Variants in CDKAL1 observed in about 807,000 individuals in gnomAD.
CDKAL1 encodes the protein CDKAL1 threonylcarbamoyladenosine tRNA methylthiotransferase.
In CDKAL1, 32 loss-of-function variants were observed where a neutral mutation model predicts 68.2. The ratio of observed to expected loss-of-function variants is 0.47; its 90% confidence interval spans 0.35 to 0.63. The LOEUF (loss-of-function observed/expected upper bound fraction) is 0.63, where lower values mean the gene tolerates loss of function less well. CDKAL1 is among the 30% of genes least tolerant of loss of function. The probability of loss-of-function intolerance (pLI) is 0.00; values close to 1 mark genes in which losing one functional copy is unlikely to be tolerated. For synonymous variants in CDKAL1, 234 were observed against 244.3 expected (o/e 0.96, Z 0.39); for missense variants, 606 against 696.7 (o/e 0.87, Z 1.47).
intron 12 of CDKAL1, among the ~76,000 whole-genome samples, chr6:21,106,093 C>T (rs747327249): frequency 3.2e-4 from 48 of 152,184 alleles, no homozygotes; most frequent in Non-Finnish European, 5.7e-4. Flanking sequence ...AATGTGTGTA[C>T]TGTCTGATCC....
chr6:20,854,634 T>G (rs1759222049), intron 9 of CDKAL1, among the ~76,000 whole-genome samples: 1 of 152,216 alleles, frequency 6.6e-6, no homozygotes, highest in African/African-American at 2.4e-5. Flanking sequence ...TTTGTTACAT[T>G]TGTTCATAAT....
chr6:20,977,892 A>G (rs1157992526), intron 10 of CDKAL1, among the ~76,000 whole-genome samples: 1 of 151,492 alleles, frequency 6.6e-6, no homozygotes, highest in Non-Finnish European at 1.5e-5. Context: ...TATTAATGAT[A>G]ATAATAATAA....
At chr6:21,070,976 G>A (rs570263591) in intron 12 of CDKAL1, among the ~76,000 whole-genome samples, 1 of 152,202 alleles carries the variant, frequency 6.6e-6, no homozygotes, top group African/African-American at 2.4e-5. Context: ...AATTTGTGAA[G>A]CACTGATCTT....
chr6:21,096,341 C>G (rs971408664), intron 12 of CDKAL1, among the ~76,000 whole-genome samples: 9 of 152,144 alleles, frequency 5.9e-5, no homozygotes, highest in African/African-American at 2.2e-4. Context: ...GGATTAGCGT[C>G]TGGAAGCTGG....
At chr6:21,177,004 G>A (rs528667160) in intron 13 of CDKAL1, among the ~76,000 whole-genome samples, 3 of 151,942 alleles carry the variant, frequency 2.0e-5, no homozygotes, top group Non-Finnish European at 4.4e-5. Flanking sequence ...GCCAGATGTT[G>A]GTTTTTAAAA....
At chr6:20,913,461 C>A (rs13197106) in intron 9 of CDKAL1, among the ~76,000 whole-genome samples, 1 of 152,072 alleles carries the variant, frequency 6.6e-6, no homozygotes, top group Non-Finnish European at 1.5e-5. Flanking sequence ...AATTTAACTT[C>A]ATCAAAGCCA....
intron 4 of CDKAL1, among the ~76,000 whole-genome samples, chr6:20,562,741 T>TA (rs79790891): frequency 0.017 from 2,491 of 142,434 alleles, 68 homozygotes; most frequent in African/African-American, 0.056. Flanking sequence ...GACTCCATCT[T>TA]AAAAAAAAAA....
chr6:20,553,968 C>T (rs762655725), intron 4 of CDKAL1, among the ~76,000 whole-genome samples: 32 of 150,086 alleles, frequency 2.1e-4, no homozygotes, highest in Non-Finnish European at 3.7e-4. Flanking sequence ...TACAGGTGTG[C>T]GGTACCATGC....
chr6:20,639,896 C>A (rs1768088495), intron 4 of CDKAL1, among the ~76,000 whole-genome samples: 2 of 152,236 alleles, frequency 1.3e-5, no homozygotes, highest in East Asian at 3.8e-4. Flanking sequence ...GTCTTGAACT[C>A]CTGACCTCGT....
At chr6:21,167,838 A>T (rs962110735) in intron 13 of CDKAL1, among the ~76,000 whole-genome samples, 1 of 152,268 alleles carries the variant, frequency 6.6e-6, no homozygotes, top group African/African-American at 2.4e-5. Flanking sequence ...AGGCACTGCC[A>T]GCTGATGTTA....
At chr6:20,553,551 A>C (rs1280577999) in intron 4 of CDKAL1, among the ~76,000 whole-genome samples, 1 of 152,232 alleles carries the variant, frequency 6.6e-6, no homozygotes, top group Non-Finnish European at 1.5e-5. Flanking sequence ...GCGAACTGTC[A>C]GAGCAGTTTG....
intron 9 of CDKAL1, among the ~76,000 whole-genome samples, chr6:20,848,505 T>G (rs1015366344): frequency 1.3e-5 from 2 of 152,328 alleles, no homozygotes; most frequent in South Asian, 2.1e-4. Context: ...GTTAACATTG[T>G]CATATCCAGG....
Position 20,781,899 on chromosome 6 carries a change from G to A in CDKAL1, c.638+634G>A, listed in dbSNP as rs1775448040. On this transcript the variant is annotated intron_variant, in intron 8 of 15. Transcript: ENST00000274695. The stretch of plus-strand genomic sequence containing the variant: ...TTTTCTGAAAATTTGATGAGATGAA[G>A]GGCTTCTGTTTCTTAAATCACAGGG... 2.6e-5 allele frequency among the ~76,000 whole-genome samples: 4 copies of A among 152,198 alleles called. No homozygotes were observed. The South Asian group carries it at 8.3e-4, about 32-fold the overall frequency.
In CDKAL1 at chr6:20,551,836, C is replaced by A. The variant is rs917563310; in HGVS notation, c.286+3131C>A. 5.3e-5 allele frequency among the ~76,000 whole-genome samples: 8 copies of A among 151,910 alleles called. No individual in the cohort carries two copies. In the East Asian group the frequency reaches 1.3e-3, roughly 26 times the overall value. On this transcript the variant is annotated intron_variant, in intron 4 of 15. Coordinates refer to ENST00000274695, the MANE Select transcript of CDKAL1 (RefSeq NM_017774.3). ...TTTAGTATAATTTAGCCTGGGCTTGCCTTACCATATTCTGATGGTGTAGTT... is the reference window on the plus strand; with the variant it reads ...TTTAGTATAATTTAGCCTGGGCTTGACTTACCATATTCTGATGGTGTAGTT...
chr6:21,067,473 G>A lies in CDKAL1; in HGVS notation c.1236+2245G>A, dbSNP rs557873807. Among the ~76,000 whole-genome samples the A allele has an allele frequency of 1.1e-4, 16 of 152,216 alleles. No individual in the cohort carries two copies. In the East Asian group the frequency reaches 2.5e-3, roughly 24 times the overall value. On this transcript the variant is annotated intron_variant, in intron 12 of 15. Coordinates refer to ENST00000274695, the MANE Select transcript of CDKAL1 (RefSeq NM_017774.3). Reference sequence around the variant, plus strand: ...TCATCCTATTGATTATTAGCCGGGCGTGGTGGTGGGCGCCTGTAGTCTCAG... The same window carrying A: ...TCATCCTATTGATTATTAGCCGGGCATGGTGGTGGGCGCCTGTAGTCTCAG...
intron 11 of CDKAL1, among the ~76,000 whole-genome samples, chr6:21,058,037 C>G (rs1324685191): frequency 6.6e-6 from 1 of 152,168 alleles, no homozygotes; most frequent in Non-Finnish European, 1.5e-5. Flanking sequence ...TCCAGCTGAT[C>G]CAGAGCTGAG....
At chr6:20,684,662 C>G (rs1010504650) in intron 5 of CDKAL1, among the ~76,000 whole-genome samples, 1 of 152,196 alleles carries the variant, frequency 6.6e-6, no homozygotes, top group Non-Finnish European at 1.5e-5. Context: ...TCCTGTTGCT[C>G]CGCATCCTTG....
intron 12 of CDKAL1, among the ~76,000 whole-genome samples, chr6:21,107,636 T>C (rs1299100534): frequency 1.3e-5 from 2 of 152,046 alleles, no homozygotes; most frequent in Non-Finnish European, 2.9e-5. Context: ...TTCTCCATTT[T>C]GGCCAAGCTG....
intron 10 of CDKAL1, among the ~76,000 whole-genome samples, chr6:20,998,889 T>G (rs1767267982): frequency 1.3e-5 from 2 of 152,192 alleles, no homozygotes; most frequent in African/African-American, 4.8e-5. Context: ...GGTGACTGAT[T>G]TGAGTTCATC....
Sources: gnomAD v4.1 joint callset for allele counts (sites outside exome capture counted in the v4.1 genomes callset) on GRCh38, gnomAD v4.1.1 for gene constraint, MANE v1.5 for transcripts, NCBI Gene and HGNC (gene_info 2026-07-23, HGNC 2026-07-21) for gene names.